The following PHRF1 variants were observed in gnomAD, a reference collection of about 807,000 sequenced individuals.
PHRF1 encodes PHD and ring finger domains 1.
In PHRF1, 53 loss-of-function variants were observed where a neutral mutation model predicts 128.9. That is an observed-to-expected ratio of 0.41 (90% CI 0.33 to 0.52). The LOEUF is 0.52. Among genes scored for constraint, PHRF1 ranks in the 20% least tolerant of loss-of-function variants. The pLI is 0.21. For missense variants in PHRF1, 2,503 were observed against 2,284.5 expected (o/e 1.10, Z -1.95); for synonymous variants, 1,178 against 980.6 (o/e 1.20, Z -3.76).
chr11:608,108 G>A lies in PHRF1; in HGVS notation c.2652G>A (p.Val884=), dbSNP rs1363071093. The A allele has an allele frequency of 3.7e-6, 6 of 1,611,740 alleles. No homozygotes were observed. The Admixed American group carries it at 1.0e-4, about 27-fold the overall frequency. The change falls in exon 14 of 18, where the codon GTG becomes GTA. Residue 884 remains valine, a synonymous_variant. Transcript: ENST00000264555. The part of the protein sequence containing the change: ...QAVRCVTSYT[V]ESIFGTEPEP... ...TGCGCTGCGTCACCTCCTACACGGT[G>A]GAGAGCATCTTTGGTACAGAGCCCG...
At chr11:604,246 A>G (rs1434155781) in intron 10 of PHRF1, among the ~76,000 whole-genome samples, 6 of 152,158 alleles carry the variant, frequency 3.9e-5, no homozygotes, top group South Asian at 2.1e-4. Flanking sequence ...TTTGTCCTGC[A>G]TGCTGTTTCT....
chr11:580,915 C>G (rs1488320747), intron 1 of PHRF1, among the ~76,000 whole-genome samples: 1 of 152,058 alleles, frequency 6.6e-6, no homozygotes, highest in Non-Finnish European at 1.5e-5. Flanking sequence ...TCTCAAACTC[C>G]CGACCTCAGG....
At chr11:594,934 A>T (rs1171762345) in intron 6 of PHRF1, among the ~76,000 whole-genome samples, 1 of 152,258 alleles carries the variant, frequency 6.6e-6, no homozygotes, top group Non-Finnish European at 1.5e-5. Flanking sequence ...TGGATCTAAA[A>T]CATTAAAACT....
intron 3 of PHRF1, among the ~76,000 whole-genome samples, chr11:583,646 T>A (rs767844545): frequency 3.0e-4 from 45 of 152,220 alleles, no homozygotes; most frequent in Non-Finnish European, 4.4e-4. Flanking sequence ...TGGTCTCAGC[T>A]ACGCAGGAGG....
chr11:608,115 A>G lies in PHRF1; in HGVS notation c.2659A>G (p.Ile887Val), dbSNP rs1359168058. ...CGTCACCTCCTACACGGTGGAGAGCATCTTTGGTACAGAGCCCGAACCCCC... is the reference window on the plus strand; with the variant it reads ...CGTCACCTCCTACACGGTGGAGAGCGTCTTTGGTACAGAGCCCGAACCCCC... ...RCVTSYTVESIFGTEPEPPLG... is the reference protein window; with the variant it reads ...RCVTSYTVESVFGTEPEPPLG... The change falls in exon 14 of 18, where the codon ATC (isoleucine) becomes GTC (valine). Residue 887 changes from isoleucine (I) to valine (V), a missense_variant. By Grantham distance (29) the Ile-to-Val change is conservative (BLOSUM62 3). Transcript: ENST00000264555. 1 of 1,611,652 alleles carries G rather than the reference A, an allele frequency of 6.2e-7. No homozygotes were observed. Among genetic ancestry groups the G allele is most frequent in the Non-Finnish European group, 8.5e-7 (1 of 1,179,862 alleles).
chr11:601,662 C>T lies in PHRF1; in HGVS notation c.1113C>T (p.Arg371=). Residue 371 remains arginine (R), a synonymous_variant, in exon 10 of 18, where the codon CGC becomes CGT. Transcript: ENST00000264555. ...SKSSATRSKK[R]QHRVKKRRGK... ...GCTCAGCGACAAGATCTAAGAAACG[C>T]CAACATCGAGTGAAGAAGAGAAGAG... is the stretch of plus-strand genomic sequence containing the variant. 1 of 1,613,782 alleles carries T rather than the reference C, an allele frequency of 6.2e-7. No homozygotes were observed. The highest frequency in any genetic ancestry group is 8.5e-7 in the Non-Finnish European group (1 of 1,179,876).
chr11:595,656 C>A (rs1855234622), intron 6 of PHRF1, among the ~76,000 whole-genome samples: 1 of 152,246 alleles, frequency 6.6e-6, no homozygotes, highest in Non-Finnish European at 1.5e-5. Flanking sequence ...ACAGGCCTGG[C>A]CTGGCTGTGG....
chr11:600,621 A>G lies in PHRF1; in HGVS notation c.1025-953A>G, dbSNP rs1589887875. On this transcript the variant is annotated intron_variant, in intron 9 of 17. Transcript: ENST00000264555. ...TGAGGCGGGTGTGTCACCTGAGATC[A>G]GGAGTTCAAGACCAGCCTGGCCAAC... 2.0e-5 allele frequency among the ~76,000 whole-genome samples: 3 copies of G among 150,746 alleles called. No individual in the cohort carries two copies. The Middle Eastern group carries it at 0.01, about 513-fold the overall frequency.
Position 610,945 on chromosome 11 carries a change from C to A in PHRF1, c.4678-9C>A, listed in dbSNP as rs184108923. 1.2e-6 allele frequency: 2 copies of A among 1,612,378 alleles called. No homozygotes were observed. Among genetic ancestry groups the A allele is most frequent in the South Asian group, 2.2e-5 (2 of 91,064 alleles). On this transcript the variant is annotated splice_polypyrimidine_tract_variant and intron_variant, in intron 16 of 17. Transcript: ENST00000264555. The stretch of plus-strand genomic sequence containing the variant: ...CTTCCTGGCCGCATCACACACATGT[C>A]CCCTCTAGTACATGAAGAAGCTGCA...
chr11:582,152 C>T, intron 3 of PHRF1, 71 bp downstream of exon 3: 3 of 1,544,950 alleles, frequency 1.9e-6, no homozygotes, highest in Non-Finnish European at 2.6e-6. Context: ...TTTTATAACA[C>T]ATCCTCCGTG....
chr11:598,074 G>A (rs1050663034), intron 8 of PHRF1, among the ~76,000 whole-genome samples: 2 of 152,156 alleles, frequency 1.3e-5, no homozygotes, highest in African/African-American at 4.8e-5. Flanking sequence ...GTGGGGAGGG[G>A]GCTGTCCCTG....
At chr11:602,512 C>T (rs1855685013) in intron 10 of PHRF1, among the ~76,000 whole-genome samples, 1 of 152,028 alleles carries the variant, frequency 6.6e-6, no homozygotes, top group African/African-American at 2.4e-5. Flanking sequence ...GAAACCCCAT[C>T]TCTACTAAAA....
chr11:591,282 A>G (rs1209063606), intron 4 of PHRF1, 102 bp from the exon 5 acceptor site: 3 of 1,039,146 alleles, frequency 2.9e-6, no homozygotes, highest in South Asian at 2.9e-5. Context: ...GGCCTGGCGC[A>G]TGGAGGCATT....
intron 6 of PHRF1, among the ~76,000 whole-genome samples, chr11:593,256 C>T (rs1266282099): frequency 6.6e-6 from 1 of 152,254 alleles, no homozygotes; most frequent in African/African-American, 2.4e-5. Context: ...GGGGCTTTCC[C>T]TGTTGATTTG....
intron 11 of PHRF1, 49 bp downstream of exon 11, chr11:605,349 G>A: frequency 6.3e-7 from 1 of 1,597,582 alleles, no homozygotes; most frequent in Non-Finnish European, 8.5e-7. Flanking sequence ...CCTCTCCCTG[G>A]GGGCTGTGGG....
At chr11:611,135 G>A (rs1274141965) in intron 17 of PHRF1, 53 bp downstream of exon 17, 145 of 1,600,194 alleles carry the variant, frequency 9.1e-5, no homozygotes, top group Non-Finnish European at 2.5e-5. Context: ...GCGGTACGTC[G>A]CTGCTGTCTC....
At chr11:596,855 C>A in intron 6 of PHRF1, 68 bp from the exon 7 acceptor site, 1 of 1,427,566 alleles carries the variant, frequency 7.0e-7, no homozygotes, top group South Asian at 1.2e-5. Context: ...TTGTGGTCCC[C>A]TCACTTGAGG....
intron 6 of PHRF1, among the ~76,000 whole-genome samples, chr11:595,932 G>A (rs1190836971): frequency 1.3e-5 from 2 of 152,152 alleles, no homozygotes; most frequent in Non-Finnish European, 2.9e-5. Flanking sequence ...TCGTGTGCCC[G>A]GGGCAGTCGG....
chr11:593,456 G>A (rs1230853131), intron 6 of PHRF1, among the ~76,000 whole-genome samples: 1 of 152,248 alleles, frequency 6.6e-6, no homozygotes, highest in Non-Finnish European at 1.5e-5. Context: ...CCGAGGATGG[G>A]CTCCTGGTGA....
Sources: gnomAD v4.1 joint callset for allele counts (sites outside exome capture counted in the v4.1 genomes callset) on GRCh38, gnomAD v4.1.1 for gene constraint, MANE v1.5 for transcripts, NCBI Gene and HGNC (gene_info 2026-07-23, HGNC 2026-07-21) for gene names.